The following PRKAR1A variants were observed in gnomAD, a reference collection of about 807,000 sequenced individuals.
PRKAR1A encodes protein kinase cAMP-dependent type I regulatory subunit alpha.
Under a neutral mutation model 52.0 loss-of-function variants are expected in PRKAR1A, and 3 were observed. The ratio of observed to expected loss-of-function variants is 0.06; its 90% CI spans 0.03 to 0.15. The LOEUF is 0.15. PRKAR1A is among the 10% of genes least tolerant of loss of function. The pLI, the probability that PRKAR1A is intolerant of heterozygous loss-of-function variation, is 1.00. For synonymous variants in PRKAR1A, 188 were observed against 168.4 expected (o/e 1.12, Z -0.90); for missense variants, 240 against 477.4 (o/e 0.50, Z 4.63).
At chr17:68,428,730 A>G in the PRKAR1A span, 4 of 915,238 alleles carry the variant, frequency 4.4e-6, no homozygotes, top group East Asian at 5.2e-5. Context: ...GTGAAGAACA[A>G]ATCAATGCAA....
chr17:68,528,800 T>C (rs1156510267), intron 8 of PRKAR1A, 70 bp from the exon 9 acceptor site: 2 of 1,587,354 alleles, frequency 1.3e-6, no homozygotes, highest in Admixed American at 3.3e-5. Flanking sequence ...TGAATCTCTT[T>C]ATACTTTCTT....
chr17:68,424,435 A>C, the PRKAR1A span: 1 of 534,656 alleles, frequency 1.9e-6, no homozygotes, highest in East Asian at 5.4e-5. Context: ...CCAGACCTGC[A>C]CTCCATCCTT....
chr17:68,480,523 A>G, the PRKAR1A span, among the ~76,000 whole-genome samples: 1 of 152,136 alleles, frequency 6.6e-6, no homozygotes, highest in Admixed American at 6.5e-5. Context: ...GGGGAAAACT[A>G]TTTTACCCAG....
chr17:68,449,665 C>T, the PRKAR1A span, among the ~76,000 whole-genome samples: 156 of 152,326 alleles, frequency 1.0e-3, no homozygotes, highest in African/African-American at 2.6e-3. Flanking sequence ...CGCCTGCTCC[C>T]GCTTTGCCTT....
chr17:68,435,838 C>G, the PRKAR1A span: 5 of 824,684 alleles, frequency 6.1e-6, no homozygotes, highest in Admixed American at 8.8e-5. Context: ...TCCTCTGTCC[C>G]CCAGGCCATC....
intron 2 of PRKAR1A, among the ~76,000 whole-genome samples, chr17:68,516,481 G>C (rs2085437549): frequency 6.6e-6 from 1 of 151,914 alleles, no homozygotes; most frequent in Non-Finnish European, 1.5e-5. Context: ...TATACCAAAA[G>C]AAATGATTCA....
rs2086009998 is a variant in PRKAR1A at position 68,532,706 on chromosome 17, T to C, written c.*2257T>C. The C allele has an allele frequency of 9.4e-7, 1 of 1,066,220 alleles. No homozygotes were observed. The highest frequency in any genetic ancestry group is 5.3e-5 in the Admixed American group (1 of 18,770). 66.0% of individuals were successfully genotyped at this position (1,066,220 alleles called of 1,614,324 possible). A position where few individuals can be genotyped will look rare whatever the true frequency, so the allele number is the denominator to read the frequency against. On this transcript the variant is annotated 3_prime_UTR_variant, in exon 11 of 11. Coordinates refer to ENST00000589228, the MANE Select transcript of PRKAR1A (RefSeq NM_002734.5). ...ACCATGTGTGCTAATATACTTTTTT[T>C]GTTATAGATTGTCTTAATGGTAGGT...
chr17:68,536,856 A>G (rs1288823451), downstream of PRKAR1A: 2 of 454,152 alleles, frequency 4.4e-6, no homozygotes, highest in Admixed American at 4.7e-5. Context: ...ATTCTTAGCA[A>G]ATCCCTCTTT....
chr17:68,508,652 T>A (rs1378819886), upstream of PRKAR1A, among the ~76,000 whole-genome samples: 1 of 152,228 alleles, frequency 6.6e-6, no homozygotes. Context: ...AACCTGCACC[T>A]GTACCCCTGA....
At chr17:68,444,650 C>T in the PRKAR1A span, 1 of 1,373,508 alleles carries the variant, frequency 7.3e-7, no homozygotes, top group Non-Finnish European at 1.0e-6. Flanking sequence ...CTGACCAAAT[C>T]CAAATCATTC....
At chr17:68,510,558 T>C (rs2085250759), upstream of PRKAR1A, among the ~76,000 whole-genome samples, 1 of 152,150 alleles carries the variant, frequency 6.6e-6, no homozygotes, top group Non-Finnish European at 1.5e-5. Context: ...CTGACTGCAA[T>C]ATTTTCTTCC....
chr17:68,460,287 G>A, the PRKAR1A span, among the ~76,000 whole-genome samples: 1 of 152,174 alleles, frequency 6.6e-6, no homozygotes, highest in African/African-American at 2.4e-5. Flanking sequence ...GGCAACTGAT[G>A]GGGAAGGGGG....
At chr17:68,489,288 A>G in the PRKAR1A span, among the ~76,000 whole-genome samples, 29 of 27,354 alleles carry the variant, frequency 1.1e-3, 5 homozygotes, top group African/African-American at 4.3e-3. Context: ...ATATATATAT[A>G]TGGAAAGTAT....
chr17:68,421,879 G>A, the PRKAR1A span: 2 of 1,608,300 alleles, frequency 1.2e-6, no homozygotes, highest in Non-Finnish European at 1.7e-6. Context: ...GTAGGCAGGT[G>A]CATTATCAAC....
At chr17:68,481,013 T>C in the PRKAR1A span, among the ~76,000 whole-genome samples, 1 of 152,258 alleles carries the variant, frequency 6.6e-6, no homozygotes, top group South Asian at 2.1e-4. Flanking sequence ...TATAAGCCTG[T>C]AGCTTATCGG....
chr17:68,496,401 T>C, the PRKAR1A span, among the ~76,000 whole-genome samples: 1 of 152,150 alleles, frequency 6.6e-6, no homozygotes, highest in African/African-American at 2.4e-5. Context: ...TGCATCACTC[T>C]GATACTAGCT....
At position 68,540,761 on chromosome 17, in the gene PRKAR1A, A is replaced by G. The variant is rs2086249934; in HGVS notation, c.974-10323A>G. 3 of 1,493,900 alleles carry G rather than the reference A, an allele frequency of 2.0e-6. No individual in the cohort carries two copies. The Admixed American group carries it at 5.9e-5, about 29-fold the overall frequency. 92.5% of individuals were successfully genotyped at this position (1,493,900 alleles called of 1,614,324 possible). ...CAGAGTTACTCAGTCCTCATGAACC[A>G]GGTTGTAAGTTTGTGCTCAAGGTCA... On this transcript the variant is annotated intron_variant, in intron 11 of 11. Coordinates refer to the PRKAR1A transcript ENST00000585981.
chr17:68,449,333 C>T, the PRKAR1A span, among the ~76,000 whole-genome samples: 8 of 152,204 alleles, frequency 5.3e-5, no homozygotes, highest in East Asian at 1.9e-4. Context: ...ACAGTGCCTG[C>T]CTTCACAGTA....
At chr17:68,489,787 C>T in the PRKAR1A span, among the ~76,000 whole-genome samples, 5 of 151,968 alleles carry the variant, frequency 3.3e-5, no homozygotes, top group East Asian at 9.7e-4. Context: ...AACTCCTGAC[C>T]TCAAGTGATC....
Sources: allele counts gnomAD v4.1 joint callset (sites outside exome capture counted in the v4.1 genomes callset), GRCh38; gene constraint gnomAD v4.1.1; transcripts MANE v1.5; gene names NCBI Gene and HGNC (gene_info 2026-07-23, HGNC 2026-07-21).